The following FBXL17 variants were observed in gnomAD, a reference collection of about 807,000 sequenced individuals.
FBXL17 encodes the protein F-box/LRR-repeat protein 17.
FBXL17 carries 22 observed loss-of-function variants against 66.2 expected under a neutral mutation model. The ratio of observed to expected loss-of-function variants is 0.33; its 90% confidence interval spans 0.24 to 0.47. The LOEUF is 0.47. Ranked by LOEUF, FBXL17 falls within the 20% of genes least tolerant of loss-of-function variation. The pLI is 1.00. For synonymous variants in FBXL17, 474 were observed against 400.5 expected (o/e 1.18, Z -2.19); for missense variants, 878 against 948.2 (o/e 0.93, Z 0.97).
chr5:107,869,120 G>T (rs1040245845), intron 8 of FBXL17, among the ~76,000 whole-genome samples: 6 of 152,174 alleles, frequency 3.9e-5, no homozygotes, highest in African/African-American at 1.4e-4. Flanking sequence ...CTAATTCAGG[G>T]CTTGGGACTT....
At chr5:108,346,270 T>C (rs1354628147) in intron 4 of FBXL17, among the ~76,000 whole-genome samples, 1 of 152,078 alleles carries the variant, frequency 6.6e-6, no homozygotes, top group Non-Finnish European at 1.5e-5. Context: ...AGAACTGTAG[T>C]GAATTAGCCT....
chr5:108,283,198 A>G (rs1248626328), intron 4 of FBXL17, among the ~76,000 whole-genome samples: 1 of 151,922 alleles, frequency 6.6e-6, no homozygotes, highest in Non-Finnish European at 1.5e-5. Flanking sequence ...AGCCAAAGCA[A>G]TCTTGAACAA....
intron 7 of FBXL17, among the ~76,000 whole-genome samples, chr5:107,939,631 C>T (rs904009747): frequency 2.0e-5 from 3 of 152,238 alleles, no homozygotes; most frequent in East Asian, 1.9e-4. Flanking sequence ...TGTCAGAGTA[C>T]GGAGGATCAC....
intron 7 of FBXL17, among the ~76,000 whole-genome samples, chr5:108,019,561 T>TA (rs1754508877): frequency 6.6e-6 from 1 of 152,036 alleles, no homozygotes; most frequent in African/African-American, 2.4e-5. Flanking sequence ...GAAGAGCAGG[T>TA]AATGACAAGT....
chr5:108,287,650 C>T (rs1757952254), intron 4 of FBXL17, among the ~76,000 whole-genome samples: 1 of 151,906 alleles, frequency 6.6e-6, no homozygotes, highest in Non-Finnish European at 1.5e-5. Flanking sequence ...AAGGGGAATG[C>T]TTCTACACCA....
chr5:108,113,776 C>T (rs1750133154), intron 6 of FBXL17, among the ~76,000 whole-genome samples: 1 of 152,026 alleles, frequency 6.6e-6, no homozygotes, highest in Non-Finnish European at 1.5e-5. Flanking sequence ...GAAAGTCTAT[C>T]CCCAGAATCA....
chr5:108,310,890 T>G (rs1402523581), intron 4 of FBXL17, among the ~76,000 whole-genome samples: 2 of 152,212 alleles, frequency 1.3e-5, no homozygotes, highest in African/African-American at 4.8e-5. Flanking sequence ...CAGACAATTT[T>G]ACTTCACTAC....
At chr5:107,877,745 A>C (rs1174359345) in intron 8 of FBXL17, among the ~76,000 whole-genome samples, 4 of 151,702 alleles carry the variant, frequency 2.6e-5, no homozygotes, top group Non-Finnish European at 5.9e-5. Context: ...CACTGGCTCC[A>C]CTGGTGTGCA....
chr5:108,196,588 CATTT>C (rs1433387807), intron 5 of FBXL17, among the ~76,000 whole-genome samples: 2 of 152,178 alleles, frequency 1.3e-5, no homozygotes, highest in Non-Finnish European at 2.9e-5. Flanking sequence ...GCATTAAAAA[CATTT>C]ATTAAATGCT....
chr5:107,928,207 C>G (rs904269813), intron 7 of FBXL17, among the ~76,000 whole-genome samples: 5 of 151,914 alleles, frequency 3.3e-5, no homozygotes, highest in African/African-American at 1.2e-4. Flanking sequence ...AATAGGACTC[C>G]TATGGGGCCT....
At chr5:108,139,825 T>A (rs970630307) in intron 6 of FBXL17, among the ~76,000 whole-genome samples, 1 of 152,200 alleles carries the variant, frequency 6.6e-6, no homozygotes, top group Non-Finnish European at 1.5e-5. Flanking sequence ...GATATTACCT[T>A]ATTCTTAACT....
chr5:108,107,014 T>C (rs80079639), intron 6 of FBXL17, among the ~76,000 whole-genome samples: 1,973 of 152,100 alleles, frequency 0.013, 18 homozygotes, highest in South Asian at 0.023. Context: ...ACAAGAAAAA[T>C]GGAAAATATT....
chr5:108,010,748 T>C (rs969180494), intron 7 of FBXL17, among the ~76,000 whole-genome samples: 5 of 151,982 alleles, frequency 3.3e-5, no homozygotes, highest in African/African-American at 9.7e-5. Flanking sequence ...CTATCAAAAA[T>C]AGGGCAATTT....
chr5:108,341,507 G>C (rs1425174729), intron 4 of FBXL17, among the ~76,000 whole-genome samples: 2 of 152,104 alleles, frequency 1.3e-5, no homozygotes, highest in Non-Finnish European at 2.9e-5. Context: ...ATTTATGGGT[G>C]ACAGGCATAC....
intron 7 of FBXL17, among the ~76,000 whole-genome samples, chr5:108,000,021 G>T (rs1753655164): frequency 6.6e-6 from 1 of 152,164 alleles, no homozygotes; most frequent in Non-Finnish European, 1.5e-5. Flanking sequence ...GGGAATAGAG[G>T]TTATGTGAAT....
intron 7 of FBXL17, among the ~76,000 whole-genome samples, chr5:107,900,473 A>C (rs531149719): frequency 6.6e-6 from 1 of 152,166 alleles, no homozygotes; most frequent in South Asian, 2.1e-4. Context: ...CTTGGTGATA[A>C]TAGCTTTGAA....
At chr5:108,077,931 C>T (rs148647075) in intron 6 of FBXL17, among the ~76,000 whole-genome samples, 85 of 152,280 alleles carry the variant, frequency 5.6e-4, no homozygotes, top group African/African-American at 1.8e-3. Context: ...GGAGAACGCA[C>T]ACCAACTTAC....
At chr5:108,255,684 C>T (rs1231118867) in intron 4 of FBXL17, among the ~76,000 whole-genome samples, 1 of 152,110 alleles carries the variant, frequency 6.6e-6, no homozygotes, top group Non-Finnish European at 1.5e-5. Context: ...GATGTCATTT[C>T]TAACAGGTGA....
At chr5:108,232,592 G>A (rs1755394032) in intron 4 of FBXL17, among the ~76,000 whole-genome samples, 1 of 151,334 alleles carries the variant, frequency 6.6e-6, no homozygotes, top group Admixed American at 6.6e-5. Flanking sequence ...GCAGAAAAAT[G>A]TGAAGAGGCA....
Sources: gnomAD v4.1 joint callset for allele counts (sites outside exome capture counted in the v4.1 genomes callset) on GRCh38, gnomAD v4.1.1 for gene constraint, MANE v1.5 for transcripts, NCBI Gene and HGNC (gene_info 2026-07-23, HGNC 2026-07-21) for gene names.